Variants in GJC1 observed in about 807,000 individuals in gnomAD.
The protein encoded by GJC1 is gap junction gamma-1 protein.
In GJC1, 5 loss-of-function variants were observed where a neutral mutation model predicts 29.3. The ratio of observed to expected loss-of-function variants is 0.17; its 90% CI spans 0.09 to 0.36. The LOEUF is 0.36. GJC1 is among the 10% of genes least tolerant of loss of function. The pLI, the probability that GJC1 is intolerant of heterozygous loss-of-function variation, is 1.00. For synonymous variants in GJC1, 177 were observed against 183.3 expected, an observed-to-expected ratio of 0.97 and a Z score of 0.28; for missense variants, 310 against 496.2, an observed-to-expected ratio of 0.62 and a Z score of 3.56.
At chr17:44,824,808 TAAAAA>T (rs11462802) in intron 1 of GJC1, among the ~76,000 whole-genome samples, 1 of 95,996 alleles carries the variant, frequency 1.0e-5, no homozygotes, top group African/African-American at 4.0e-5. Context: ...AAGACTGTCT[TAAAAA>T]AAAAAAAAAA....
At chr17:44,820,747 C>A (rs2050097102) in intron 1 of GJC1, among the ~76,000 whole-genome samples, 1 of 152,298 alleles carries the variant, frequency 6.6e-6, no homozygotes, top group South Asian at 2.1e-4. Context: ...CTGAACGCGA[C>A]TGCTTTATGT....
intron 2 of GJC1, among the ~76,000 whole-genome samples, chr17:44,806,280 C>A (rs112477217): frequency 1.7e-3 from 264 of 152,250 alleles, no homozygotes; most frequent in African/African-American, 6.1e-3. Flanking sequence ...CCTCAGTCAA[C>A]ACCTGTTGGC....
rs2050128265 is a variant in GJC1, at chr17:44,822,838, G to C, written c.-97+7224C>G. On this transcript the variant is annotated intron_variant, in intron 1 of 2. Transcript: ENST00000592524. ...ACAGGCAGCCAGGATAAAAAAAGAG[G>C]TCTGGCTACAGATAAAAATGTGGCA... Among the ~76,000 whole-genome samples the C allele has an allele frequency of 2.0e-5, 3 of 151,964 alleles. No homozygotes were observed. In the South Asian group the frequency reaches 6.2e-4, roughly 32 times the overall value.
At chr17:44,806,016 G>T (rs1363743326) in intron 2 of GJC1, among the ~76,000 whole-genome samples, 179 bp from the exon 3 acceptor site, 1 of 152,196 alleles carries the variant, frequency 6.6e-6, no homozygotes, top group African/African-American at 2.4e-5. Context: ...GCTCACGCCT[G>T]TAATCCCAGC....
intron 1 of GJC1, among the ~76,000 whole-genome samples, chr17:44,810,717 G>T (rs1343926748): frequency 1.3e-5 from 2 of 152,150 alleles, no homozygotes; most frequent in Non-Finnish European, 2.9e-5. Flanking sequence ...CAGTGCATGT[G>T]TGGGGAGGAG....
chr17:44,811,016 A>G (rs1597746835), intron 1 of GJC1, among the ~76,000 whole-genome samples: 1 of 151,598 alleles, frequency 6.6e-6, no homozygotes, highest in Admixed American at 6.6e-5. Context: ...TGATCTGCCC[A>G]CCTCAGCCTC....
intron 1 of GJC1, among the ~76,000 whole-genome samples, chr17:44,816,272 TAGAC>T (rs2050043016): frequency 6.6e-6 from 1 of 152,158 alleles, no homozygotes; most frequent in Admixed American, 6.6e-5. Context: ...TAACATTTAT[TAGAC>T]AGAAACCAAA....
At position 44,801,366 on chromosome 17, in the gene GJC1, G is replaced by C. The variant is rs1352769758; in HGVS notation, c.*3261C>G. On this transcript the variant is annotated 3_prime_UTR_variant, in exon 3 of 3. Transcript: ENST00000592524. ...AACATAATCATGTTGATTGTATCCT[G>C]ATTCTAGCAGGTGAAGGACTAAGCA... 3.3e-5 allele frequency: 5 copies of C among 152,298 alleles called. No individual in the cohort carries two copies. In the South Asian group the frequency reaches 6.2e-4, roughly 19 times the overall value. The allele number at this position is 152,298 out of a possible 1,614,324, so 9.4% of individuals were successfully genotyped here. A position where few individuals can be genotyped will look rare whatever the true frequency, so the allele number is the denominator to read the frequency against.
At position 44,802,276 on chromosome 17, in the gene GJC1, T is replaced by C. The variant is rs1187199182; in HGVS notation, c.*2351A>G. The C allele has an allele frequency of 1.3e-5, 2 of 152,150 alleles. No homozygotes were observed. Among genetic ancestry groups the C allele is most frequent in the Non-Finnish European group, 2.9e-5 (2 of 68,026 alleles). The allele number at this position is 152,150 out of a possible 1,614,324, so 9.4% of individuals were successfully genotyped here. ...TTCTGCTTGACTCCTTCCCCCTGTA[T>C]CATTCTCAAATCCCCAGCCTTTCCA... On this transcript the variant is annotated 3_prime_UTR_variant, in exon 3 of 3. Coordinates refer to ENST00000592524, the MANE Select transcript of GJC1 (RefSeq NM_005497.4).
chr17:44,796,405 G>A (rs1387564778), downstream of GJC1, among the ~76,000 whole-genome samples: 1 of 152,142 alleles, frequency 6.6e-6, no homozygotes, highest in Admixed American at 6.6e-5. Flanking sequence ...TGAACCCAGA[G>A]GAGTCCCTGG....
chr17:44,822,736 T>A (rs1452493320), intron 1 of GJC1, among the ~76,000 whole-genome samples: 1 of 150,862 alleles, frequency 6.6e-6, no homozygotes, highest in Non-Finnish European at 1.5e-5. Flanking sequence ...AGTCTAGGTG[T>A]GGGGCCAAGA....
chr17:44,801,438 C>CTT lies in GJC1; in HGVS notation c.*3187_*3188dup, dbSNP rs770522166. On this transcript the variant is annotated 3_prime_UTR_variant, in exon 3 of 3. Transcript: ENST00000592524. ...AAGCAAGTGTCATGATGGAGCATGT[C>CTT]TTATATGGCAATTCAAAACAGTATG... The CTT allele has an allele frequency of 2.0e-5, 3 of 152,224 alleles. No individual in the cohort carries two copies. The East Asian group carries it at 5.8e-4, about 29-fold the overall frequency. The allele number at this position is 152,224 out of a possible 1,614,324, so 9.4% of individuals were successfully genotyped here. A position where few individuals can be genotyped will look rare whatever the true frequency, so the allele number is the denominator to read the frequency against.
chr17:44,822,014 T>C (rs1157464074), intron 1 of GJC1, among the ~76,000 whole-genome samples: 1 of 149,876 alleles, frequency 6.7e-6, no homozygotes, highest in East Asian at 2.0e-4. Flanking sequence ...TGGCTAACAC[T>C]GTGAAATCCT....
At chr17:44,810,153 C>T (rs1021841745) in intron 1 of GJC1, among the ~76,000 whole-genome samples, 1 of 151,968 alleles carries the variant, frequency 6.6e-6, no homozygotes, top group Non-Finnish European at 1.5e-5. Context: ...TGAGCCACCA[C>T]GCCCAGCTAA....
intron 1 of GJC1, among the ~76,000 whole-genome samples, chr17:44,814,647 A>G (rs1347731461): frequency 6.6e-6 from 1 of 152,104 alleles, no homozygotes; most frequent in Non-Finnish European, 1.5e-5. Flanking sequence ...AAGGTGCCTA[A>G]AATTCAGGAC....
At chr17:44,819,711 AT>A (rs2145352512) in intron 1 of GJC1, among the ~76,000 whole-genome samples, 1 of 151,422 alleles carries the variant, frequency 6.6e-6, no homozygotes, top group South Asian at 2.1e-4. Flanking sequence ...AATAAAAAGA[AT>A]TTCCTTCCTT....
intron 1 of GJC1, among the ~76,000 whole-genome samples, chr17:44,824,800 G>A (rs1448263901): frequency 5.1e-5 from 6 of 117,426 alleles, no homozygotes; most frequent in Non-Finnish European, 8.4e-5. Flanking sequence ...GACAGAACAA[G>A]ACTGTCTTAA....
chr17:44,795,502 G>A (rs2049777956), downstream of GJC1, among the ~76,000 whole-genome samples: 1 of 152,174 alleles, frequency 6.6e-6, no homozygotes, highest in African/African-American at 2.4e-5. Context: ...TAAAGTGCTG[G>A]GATTACTGGC....
chr17:44,822,951 A>T (rs1481375744), intron 1 of GJC1, among the ~76,000 whole-genome samples: 2 of 152,146 alleles, frequency 1.3e-5, no homozygotes, highest in Non-Finnish European at 2.9e-5. Flanking sequence ...TCTACTCTGG[A>T]TGGGCAATTA....
Sources: allele counts gnomAD v4.1 joint callset (sites outside exome capture counted in the v4.1 genomes callset), GRCh38; gene constraint gnomAD v4.1.1; transcripts MANE v1.5; gene names NCBI Gene and HGNC (gene_info 2026-07-23, HGNC 2026-07-21).